MZT2B: variants seen among roughly 807,000 people sequenced by gnomAD.
MZT2B encodes the protein mitotic-spindle organizing protein 2B.
Under a neutral mutation model 12.1 loss-of-function variants are expected in MZT2B, and 11 were observed. The ratio of observed to expected loss-of-function variants is 0.91; its 90% CI spans 0.57 to 1.50. The LOEUF (loss-of-function observed/expected upper bound fraction) is 1.50, where lower values mean the gene tolerates loss of function less well. MZT2B is among the 40% of genes most tolerant of loss of function. MZT2B has a pLI of 0.00. For missense variants in MZT2B, 209 were observed against 227.7 expected (o/e 0.92, Z 0.53); for synonymous variants, 85 against 109.5 (o/e 0.78, Z 1.40).
At chr2:130,185,325 A>AAG (rs1243004679) in intron 2 of MZT2B, among the ~76,000 whole-genome samples, 4 of 150,138 alleles carry the variant, frequency 2.7e-5, no homozygotes, top group African/African-American at 9.8e-5. Context: ...AAAAAAAAAA[A>AAG]CTAGCCAGGT....
At chr2:130,181,838 G>C (rs1689678866), upstream of MZT2B, 3 of 1,540,412 alleles carry the variant, frequency 1.9e-6, no homozygotes, top group African/African-American at 1.4e-5. Context: ...CGCGTAAGCA[G>C]TATTGTTGAT....
intron 2 of MZT2B, among the ~76,000 whole-genome samples, chr2:130,185,479 CAAAA>C (rs11316338): frequency 1.2e-4 from 9 of 76,500 alleles, no homozygotes; most frequent in Non-Finnish European, 2.3e-4. Context: ...GACCCTGTCT[CAAAA>C]AAAAAAAAAA....
downstream of MZT2B, among the ~76,000 whole-genome samples, chr2:130,192,873 C>A (rs545645819): frequency 4.6e-5 from 7 of 152,106 alleles, no homozygotes; most frequent in Non-Finnish European, 1.0e-4. Context: ...GCGGGCAGAT[C>A]ACGTGAGGCC....
At chr2:130,195,970 A>G in the MZT2B span, among the ~76,000 whole-genome samples, 1 of 152,238 alleles carries the variant, frequency 6.6e-6, no homozygotes, top group Non-Finnish European at 1.5e-5. Flanking sequence ...CTAAATTAGG[A>G]GCCGAGTCTC....
chr2:130,192,227 G>A, downstream of MZT2B: 1 of 1,488,228 alleles, frequency 6.7e-7, no homozygotes, highest in Non-Finnish European at 9.0e-7. Context: ...AGGTGACACG[G>A]AGAATGCTCA....
intron 2 of MZT2B, chr2:130,183,442 G>T (rs1403342895): frequency 2.1e-5 from 9 of 419,320 alleles, no homozygotes; most frequent in Non-Finnish European, 3.6e-5. Context: ...CTCCAGTGTG[G>T]TGACTGGGCT....
chr2:130,182,392 A>T lies in MZT2B; in HGVS notation c.110A>T (p.Glu37Val). Reference sequence around the variant, plus strand: ...CGGAAGAAGGTGCTGAGCACCGAGGAGATGGAGCTGTACGAGCTGGCGCAG... The same window carrying T: ...CGGAAGAAGGTGCTGAGCACCGAGGTGATGGAGCTGTACGAGCTGGCGCAG... ...LRRKKVLSTEEMELYELAQAA... is the reference protein window; with the variant it reads ...LRRKKVLSTEVMELYELAQAA... Residue 37 changes from glutamate to valine, a missense_variant, in exon 1 of 3, where the codon GAG (glutamate) becomes GTG (valine). Physicochemically the swap from Glu to Val is moderately radical, Grantham distance 121 (BLOSUM62 -2). Transcript: ENST00000281871. 6.4e-7 allele frequency: 1 copy of T among 1,560,788 alleles called. No individual in the cohort carries two copies. Among genetic ancestry groups the T allele is most frequent in the East Asian group, 2.4e-5 (1 of 42,104 alleles).
At chr2:130,194,293 C>T, downstream of MZT2B, 1 of 1,608,898 alleles carries the variant, frequency 6.2e-7, no homozygotes, top group Non-Finnish European at 8.5e-7. Flanking sequence ...AGTTGTAGGG[C>T]TCCACCACGG....
downstream of MZT2B, chr2:130,194,076 G>C (rs766232772): frequency 3.1e-6 from 5 of 1,614,192 alleles, no homozygotes; most frequent in Non-Finnish European, 4.2e-6. Context: ...AGGTTGGTCT[G>C]GAATTCCGTC....
In MZT2B at chr2:130,190,554, A is replaced by G. The variant is rs749287824; in HGVS notation, c.405A>G (p.Pro135=). The G allele has an allele frequency of 6.2e-7, 1 of 1,613,730 alleles. No homozygotes were observed. Among genetic ancestry groups the G allele is most frequent in the Non-Finnish European group, 8.5e-7 (1 of 1,179,968 alleles). ...SSREGSSQRM[P]RQPSATRLPK... ...GCGAAGGATCCAGCCAGAGGATGCC[A>G]CGCCAGCCCAGCGCTACCAGGCTGC... The change falls in exon 3 of 3, where the codon CCA becomes CCG. Residue 135 remains proline (P), a synonymous_variant. Coordinates refer to ENST00000281871, the MANE Select transcript of MZT2B (RefSeq NM_025029.5).
At chr2:130,182,128 C>G (rs1689709785), upstream of MZT2B, 1 of 1,266,852 alleles carries the variant, frequency 7.9e-7, no homozygotes, top group Admixed American at 3.9e-5. Context: ...TGTTGGGCTT[C>G]AATGACGCCG....
the MZT2B span, chr2:130,198,547 G>T: frequency 1.0e-5 from 7 of 679,650 alleles, 2 homozygotes; most frequent in Non-Finnish European, 1.6e-5. Context: ...CTGATTGGCC[G>T]TTGCTCAACA....
At chr2:130,193,696 T>C, downstream of MZT2B, 2 of 1,500,904 alleles carry the variant, frequency 1.3e-6, no homozygotes, top group Non-Finnish European at 1.8e-6. Flanking sequence ...GGAACAGGGA[T>C]AGTCTCCCCA....
downstream of MZT2B, chr2:130,195,062 A>C: frequency 6.2e-7 from 1 of 1,612,102 alleles, no homozygotes; most frequent in Non-Finnish European, 8.5e-7. Context: ...TGGCCACATG[A>C]AACCTTCTCT....
chr2:130,201,965 A>G, the MZT2B span, among the ~76,000 whole-genome samples: 2 of 152,234 alleles, frequency 1.3e-5, no homozygotes, highest in Admixed American at 6.5e-5. Flanking sequence ...TGACCGAAAC[A>G]TCATTATATG....
intron 2 of MZT2B, among the ~76,000 whole-genome samples, chr2:130,186,640 G>C (rs1690075433): frequency 6.6e-6 from 1 of 152,112 alleles, no homozygotes; most frequent in Non-Finnish European, 1.5e-5. Context: ...GGTACAAAAG[G>C]GAATGCAAAA....
the MZT2B span, among the ~76,000 whole-genome samples, chr2:130,197,091 A>G: frequency 6.6e-6 from 1 of 151,906 alleles, no homozygotes; most frequent in East Asian, 1.9e-4. Flanking sequence ...TACCCTCCTA[A>G]TTTCTTGTAA....
the MZT2B span, among the ~76,000 whole-genome samples, chr2:130,201,922 T>C: frequency 1.3e-5 from 2 of 152,200 alleles, no homozygotes; most frequent in African/African-American, 2.4e-5. Flanking sequence ...TATAACTTTA[T>C]GGGACCACTC....
In MZT2B at chr2:130,186,028, C is replaced by T. The variant is rs139918872; in HGVS notation, c.319+3253C>T. On this transcript the variant is annotated intron_variant, in intron 2 of 2. Coordinates refer to ENST00000281871, the MANE Select transcript of MZT2B (RefSeq NM_025029.5). ...CAGGAGTGTGCTGCTGAGTGAGAAGCAGAGGCCACAGATGGAATGCTGAGA... is the reference window on the plus strand; with the variant it reads ...CAGGAGTGTGCTGCTGAGTGAGAAGTAGAGGCCACAGATGGAATGCTGAGA... 4.4e-3 allele frequency among the ~76,000 whole-genome samples: 674 copies of T among 152,200 alleles called. 3 individuals carry two copies. The highest frequency in any genetic ancestry group is 0.016 in the African/African-American group (644 of 41,516).
Sources: allele counts gnomAD v4.1 joint callset (sites outside exome capture counted in the v4.1 genomes callset), GRCh38; gene constraint gnomAD v4.1.1; transcripts MANE v1.5; gene names NCBI Gene and HGNC (gene_info 2026-07-23, HGNC 2026-07-21).